Variants in DYM observed in about 807,000 individuals in gnomAD.
The protein encoded by DYM is dyggve-Melchior-Clausen syndrome protein.
Under a neutral mutation model 93.1 loss-of-function variants are expected in DYM, and 78 were observed. The ratio of observed to expected loss-of-function variants is 0.84; its 90% CI spans 0.70 to 1.01. The LOEUF (loss-of-function observed/expected upper bound fraction) is 1.01, where lower values mean the gene tolerates loss of function less well. Ranked by LOEUF, DYM falls within the 50% of genes least tolerant of loss-of-function variation. The pLI is 0.00. For synonymous variants in DYM, 321 were observed against 319.7 expected (o/e 1.00, Z -0.04); for missense variants, 789 against 845.0 (o/e 0.93, Z 0.82).
chr18:49,232,658 G>C (rs548278796), intron 13 of DYM, among the ~76,000 whole-genome samples: 22 of 146,658 alleles, frequency 1.5e-4, no homozygotes, highest in East Asian at 1.0e-3. Context: ...GCCCAGGATG[G>C]AGTGCAGTGG....
chr18:49,401,321 C>A (rs1428441151), intron 2 of DYM, among the ~76,000 whole-genome samples: 2 of 152,182 alleles, frequency 1.3e-5, no homozygotes, highest in Non-Finnish European at 2.9e-5. Context: ...ATATTAGAAG[C>A]CTTCTTCTCA....
rs146979597 is a variant in DYM at position 49,177,894 on chromosome 18, G to A, written c.1626-14107C>T. Among the ~76,000 whole-genome samples, 7 of 152,134 alleles carry A rather than the reference G, an allele frequency of 4.6e-5. No homozygotes were observed. The South Asian group carries it at 1.0e-3, about 23-fold the overall frequency. Reference sequence around the variant, plus strand: ...CTTTTAAATAAACTATCTACTGACTGGTGGATAAGATATTCTTTGAGTTAA... The same window carrying A: ...CTTTTAAATAAACTATCTACTGACTAGTGGATAAGATATTCTTTGAGTTAA... On this transcript the variant is annotated intron_variant, in intron 14 of 17. Coordinates refer to ENST00000675505, the MANE Select transcript of DYM (RefSeq NM_001353214.3).
chr18:49,180,434 T>C lies in DYM; in HGVS notation c.1626-16647A>G, dbSNP rs199752485. 2.0e-5 allele frequency among the ~76,000 whole-genome samples: 3 copies of C among 152,280 alleles called. No homozygotes were observed. In the East Asian group the frequency reaches 5.8e-4, roughly 29 times the overall value. On this transcript the variant is annotated intron_variant, in intron 14 of 17. Transcript: ENST00000675505. ...AGTGAACACCTTTCTCAATTATTTA[T>C]CAGTAACCTATATGGACAGTACAGG...
rs1401134446 is a variant in DYM, at chr18:49,436,328, A to C, written c.-53-5881T>G. 2.0e-5 allele frequency among the ~76,000 whole-genome samples: 3 copies of C among 152,150 alleles called. No individual in the cohort carries two copies. In the East Asian group the frequency reaches 5.8e-4, roughly 29 times the overall value. ...ACCTCTCCCAGCTACCCAATAAATT[A>C]TTTCTTTCAGATTTTATTCAAAATT... On this transcript the variant is annotated intron_variant, in intron 1 of 17. Transcript: ENST00000675505.
At chr18:49,339,347 A>G (rs545185805) in intron 6 of DYM, among the ~76,000 whole-genome samples, 1 of 152,238 alleles carries the variant, frequency 6.6e-6, no homozygotes, top group Non-Finnish European at 1.5e-5. Flanking sequence ...CCTGCTATTC[A>G]TGCCCTTGTG....
At chr18:49,423,537 C>G (rs145275311) in intron 2 of DYM, among the ~76,000 whole-genome samples, 39 of 152,238 alleles carry the variant, frequency 2.6e-4, no homozygotes, top group African/African-American at 8.9e-4. Context: ...CAAGAAATAA[C>G]TAAGATCGGA....
chr18:49,054,450 C>T (rs2075298107), intron 17 of DYM, among the ~76,000 whole-genome samples: 1 of 152,172 alleles, frequency 6.6e-6, no homozygotes, highest in Non-Finnish European at 1.5e-5. Context: ...ACCATGTTGG[C>T]CAGGCTGGTC....
intron 2 of DYM, among the ~76,000 whole-genome samples, chr18:49,401,033 A>G (rs1239651211): frequency 1.3e-5 from 2 of 152,202 alleles, no homozygotes; most frequent in African/African-American, 4.8e-5. Flanking sequence ...TTGTTTCTGA[A>G]GGCAGATTTG....
intron 8 of DYM, among the ~76,000 whole-genome samples, chr18:49,315,214 TA>T (rs201223596): frequency 0.081 from 11,750 of 145,896 alleles, 533 homozygotes; most frequent in East Asian, 0.18. Context: ...GACCCTGTGT[TA>T]AAAAAAAAAA....
intron 15 of DYM, among the ~76,000 whole-genome samples, chr18:49,144,655 G>T (rs2084887264): frequency 6.6e-6 from 1 of 152,190 alleles, no homozygotes; most frequent in Non-Finnish European, 1.5e-5. Flanking sequence ...TCAAAGGACA[G>T]AAGTAGAATG....
At chr18:49,277,178 A>G (rs1004186047) in intron 10 of DYM, among the ~76,000 whole-genome samples, 1 of 152,184 alleles carries the variant, frequency 6.6e-6, no homozygotes, top group Non-Finnish European at 1.5e-5. Context: ...AGCTGGATAC[A>G]TGGATATGAG....
In DYM at chr18:49,287,978, C is replaced by A. The variant is rs552587626; in HGVS notation, c.764-1362G>T. ...CACATGAAAATTTGAAGACTTAATA[C>A]CAAAAAAAGAATGTAAATTATCTCA... is the stretch of plus-strand genomic sequence containing the variant. On this transcript the variant is annotated intron_variant, in intron 8 of 17. Coordinates refer to ENST00000675505, the MANE Select transcript of DYM (RefSeq NM_001353214.3). Among the ~76,000 whole-genome samples the A allele has an allele frequency of 2.0e-5, 3 of 151,944 alleles. No individual in the cohort carries two copies. The East Asian group carries it at 5.8e-4, about 29-fold the overall frequency.
At chr18:49,076,550 G>A (rs2077323914) in intron 17 of DYM, among the ~76,000 whole-genome samples, 1 of 152,182 alleles carries the variant, frequency 6.6e-6, no homozygotes. Flanking sequence ...AGTGCTGCAT[G>A]TTCACATCCT....
intron 8 of DYM, among the ~76,000 whole-genome samples, chr18:49,289,759 A>ACG (rs2059961046): frequency 2.3e-5 from 1 of 43,386 alleles, no homozygotes; most frequent in African/African-American, 9.7e-5. Context: ...ATATATATAT[A>ACG]TATATATATA....
At chr18:49,379,850 T>A in intron 3 of DYM, 92 bp from the exon 4 acceptor site, 2 of 1,064,254 alleles carry the variant, frequency 1.9e-6, no homozygotes, top group Non-Finnish European at 2.9e-6. Context: ...AATGTCATAT[T>A]AAAATTGCTC....
intron 15 of DYM, among the ~76,000 whole-genome samples, chr18:49,158,141 A>G (rs2086654349): frequency 6.6e-6 from 1 of 152,160 alleles, no homozygotes; most frequent in Admixed American, 6.5e-5. Flanking sequence ...ACTCCTTTCA[A>G]TGAAGACTGC....
At chr18:49,071,057 C>T (rs1324069888) in intron 17 of DYM, among the ~76,000 whole-genome samples, 1 of 152,184 alleles carries the variant, frequency 6.6e-6, no homozygotes, top group Non-Finnish European at 1.5e-5. Context: ...TTTTCATTTT[C>T]AGTTCCTGTA....
intron 1 of DYM, among the ~76,000 whole-genome samples, chr18:49,459,082 T>TA (rs1303184391): frequency 6.6e-6 from 1 of 152,168 alleles, no homozygotes; most frequent in Admixed American, 6.5e-5. Flanking sequence ...TGCAAAAACA[T>TA]AAAAACTCCT....
At chr18:49,068,153 G>A in intron 17 of DYM, among the ~76,000 whole-genome samples, 1 of 152,192 alleles carries the variant, frequency 6.6e-6, no homozygotes, top group East Asian at 1.9e-4. Context: ...GATATTAACA[G>A]TTACAGTGTC....
Sources: gnomAD v4.1 joint callset for allele counts (sites outside exome capture counted in the v4.1 genomes callset) on GRCh38, gnomAD v4.1.1 for gene constraint, MANE v1.5 for transcripts, NCBI Gene and HGNC (gene_info 2026-07-23, HGNC 2026-07-21) for gene names.